QTGAL: variants seen among roughly 807,000 people sequenced by gnomAD.
QTGAL encodes BGnT-like protein 1.
At chr17:83,027,512 T>C in the QTGAL span, among the ~76,000 whole-genome samples, 12 of 152,000 alleles carry the variant, frequency 7.9e-5, no homozygotes, top group South Asian at 8.3e-4. Flanking sequence ...ACTTCACTGA[T>C]GTTAACATCT....
the QTGAL span, chr17:82,944,182 TGACACTATGTG>T: frequency 4.6e-5 from 7 of 152,204 alleles, no homozygotes; most frequent in South Asian, 1.5e-3. Context: ...GACCCATCAG[TGACACTATGTG>T]GCAAAGCAGT....
the QTGAL span, among the ~76,000 whole-genome samples, chr17:82,998,118 T>C: frequency 6.6e-6 from 1 of 151,966 alleles, no homozygotes; most frequent in East Asian, 1.9e-4. Context: ...AATATAGTTG[T>C]ATTGTTTGTA....
At chr17:82,981,359 G>C in the QTGAL span, 2 of 152,256 alleles carry the variant, frequency 1.3e-5, no homozygotes, top group Admixed American at 6.5e-5. Flanking sequence ...CCCCAGCGGA[G>C]CTGCGAGGGT....
chr17:82,962,496 CACACGGGTGATTTAGGGTGGAGGCT>C, the QTGAL span, among the ~76,000 whole-genome samples: 1 of 143,992 alleles, frequency 6.9e-6, no homozygotes, highest in African/African-American at 2.5e-5. Flanking sequence ...CACGGACCCT[CACACGGGTGATTTAGGGTGGAGGCT>C]CCCGCGGGTG....
the QTGAL span, among the ~76,000 whole-genome samples, chr17:82,996,130 G>T: frequency 6.6e-6 from 1 of 152,248 alleles, no homozygotes; most frequent in Non-Finnish European, 1.5e-5. Flanking sequence ...CAGGTTCACG[G>T]ATTCGAAGAA....
At chr17:82,977,965 T>G in the QTGAL span, among the ~76,000 whole-genome samples, 14 of 152,238 alleles carry the variant, frequency 9.2e-5, no homozygotes, top group South Asian at 2.9e-3. Context: ...CCCAAGCTCC[T>G]CCTGCCCTGG....
chr17:82,959,531 C>T, the QTGAL span, among the ~76,000 whole-genome samples: 4 of 152,088 alleles, frequency 2.6e-5, no homozygotes, highest in South Asian at 6.2e-4. Flanking sequence ...ACTTCCCCAC[C>T]AGGTGACGCA....
At chr17:83,044,407 G>A in the QTGAL span, among the ~76,000 whole-genome samples, 1 of 152,134 alleles carries the variant, frequency 6.6e-6, no homozygotes, top group African/African-American at 2.4e-5. Context: ...TCAAATTGGT[G>A]TCAAAAAGGC....
At chr17:82,950,319 CCACAGGTCACCATAA>C in the QTGAL span, among the ~76,000 whole-genome samples, 2 of 152,212 alleles carry the variant, frequency 1.3e-5, no homozygotes, top group South Asian at 4.1e-4. Flanking sequence ...AGTAGTGACA[CCACAGGTCACCATAA>C]CACATACGAT....
chr17:82,988,707 C>T, the QTGAL span, among the ~76,000 whole-genome samples: 1 of 152,200 alleles, frequency 6.6e-6, no homozygotes, highest in Non-Finnish European at 1.5e-5. Context: ...TGAACAGACA[C>T]TTCTCAAAAG....
the QTGAL span, among the ~76,000 whole-genome samples, chr17:83,002,182 T>TA: frequency 2.7e-5 from 4 of 150,920 alleles, no homozygotes; most frequent in Admixed American, 2.0e-4. Context: ...AACATGAAAA[T>TA]AAAAAACTCT....
At chr17:82,947,104 TCTG>T in the QTGAL span, 1 of 777,102 alleles carries the variant, frequency 1.3e-6, no homozygotes, top group Non-Finnish European at 2.1e-6. Flanking sequence ...GTTCTGCTCC[TCTG>T]CTAATAGCGG....
chr17:82,965,824 G>C, the QTGAL span: 1 of 1,402,260 alleles, frequency 7.1e-7, no homozygotes, highest in Non-Finnish European at 9.9e-7. Context: ...TTTCCACAAA[G>C]TGTCACGAGA....
the QTGAL span, among the ~76,000 whole-genome samples, chr17:82,970,406 T>C: frequency 1.3e-5 from 2 of 152,262 alleles, no homozygotes; most frequent in African/African-American, 4.8e-5. Context: ...AACTTTTGCT[T>C]GCTGAAAAAT....
At chr17:83,017,493 C>T in the QTGAL span, among the ~76,000 whole-genome samples, 1 of 152,044 alleles carries the variant, frequency 6.6e-6, no homozygotes, top group African/African-American at 2.4e-5. Flanking sequence ...TATGGTGCTG[C>T]ACGCCTGTAG....
At chr17:82,946,968 CGCCCCCTGTGAGGTCCTGTCAGGA>C in the QTGAL span, 1 of 1,563,962 alleles carries the variant, frequency 6.4e-7, no homozygotes, top group Admixed American at 1.9e-5. Flanking sequence ...TCCTCAAAGG[CGCCCCCTGTGAGGTCCTGTCAGGA>C]GCAGCAGATT....
chr17:82,979,510 A>C, the QTGAL span: 1 of 152,238 alleles, frequency 6.6e-6, no homozygotes, highest in Admixed American at 6.5e-5. Flanking sequence ...AATTAAACAC[A>C]CAGTAGCATG....
the QTGAL span, among the ~76,000 whole-genome samples, chr17:82,987,719 T>C: frequency 0.29 from 44,780 of 152,136 alleles, 7,456 homozygotes; most frequent in East Asian, 0.4. Context: ...TCTCCAGCTT[T>C]GTTCTTTTTG....
chr17:83,028,022 G>C, the QTGAL span, among the ~76,000 whole-genome samples: 3 of 152,112 alleles, frequency 2.0e-5, no homozygotes, highest in African/African-American at 7.2e-5. Context: ...GCTGAGGCAG[G>C]ATTGCTTGAA....
Sources: allele counts gnomAD v4.1 joint callset (sites outside exome capture counted in the v4.1 genomes callset), GRCh38; gene constraint gnomAD v4.1.1; transcripts MANE v1.5; gene names NCBI Gene and HGNC (gene_info 2026-07-23, HGNC 2026-07-21).